CPNE3: variants seen among roughly 807,000 people sequenced by gnomAD.
CPNE3 encodes the protein copine-3.
In CPNE3, 68 loss-of-function variants were observed where a neutral mutation model predicts 63.9. The observed-to-expected ratio is 1.06, with a 90% CI of 0.87 to 1.30. CPNE3 has a LOEUF of 1.30. Among genes scored for constraint, CPNE3 ranks in the 50% most tolerant of loss-of-function variants. The pLI is 0.00. For missense variants in CPNE3, 665 were observed against 578.1 expected (o/e 1.15, Z -1.54); for synonymous variants, 219 against 197.5 (o/e 1.11, Z -0.91).
intron 6 of CPNE3, among the ~76,000 whole-genome samples, chr8:86,533,033 TATCTATC>T (rs1820717535): frequency 7.0e-6 from 1 of 142,816 alleles, no homozygotes; most frequent in African/African-American, 2.7e-5. Context: ...CTTATCTATC[TATCTATC>T]TATCTATCTA....
intron 4 of CPNE3, among the ~76,000 whole-genome samples, chr8:86,529,449 A>G (rs192424634): frequency 1.3e-5 from 2 of 152,302 alleles, no homozygotes; most frequent in East Asian, 3.9e-4. Flanking sequence ...AATGCATTCA[A>G]GATAACAGCA....
At chr8:86,547,376 T>C in intron 10 of CPNE3, 1 of 195,852 alleles carries the variant, frequency 5.1e-6, no homozygotes, top group Non-Finnish European at 1.0e-5. Context: ...ACAAGTGGAA[T>C]GGAGTTTTTG....
At chr8:86,528,139 G>A (rs975621830) in intron 2 of CPNE3, among the ~76,000 whole-genome samples, 3 of 151,566 alleles carry the variant, frequency 2.0e-5, no homozygotes, top group South Asian at 2.1e-4. Flanking sequence ...TAGTAGAGAC[G>A]AGGTCTTGCT....
rs746134927 is a variant in CPNE3 at position 86,529,138 on chromosome 8, GC to G, written c.312+16del. ...ACCCTTGGACAAGTAAGTATAAATA[GC>G]CACTGTACTCTATTTTGTCTAAATT... On this transcript the variant is annotated intron_variant, in intron 4 of 16. Transcript: ENST00000517490. The G allele has an allele frequency of 5.6e-6, 9 of 1,594,100 alleles. No individual in the cohort carries two copies. The highest frequency in any genetic ancestry group is 6.9e-6 in the Non-Finnish European group (8 of 1,167,500).
intron 2 of CPNE3, among the ~76,000 whole-genome samples, chr8:86,516,805 C>T (rs2131414135): frequency 6.6e-6 from 1 of 152,196 alleles, no homozygotes; most frequent in African/African-American, 2.4e-5. Flanking sequence ...TCCTCCCTTT[C>T]AAATGTTCTT....
intron 6 of CPNE3, among the ~76,000 whole-genome samples, chr8:86,533,558 TAAAG>T (rs558988340): frequency 3.5e-3 from 536 of 151,678 alleles, no homozygotes; most frequent in African/African-American, 0.012. Flanking sequence ...AAAAAACACT[TAAAG>T]AAAACATTTT....
At chr8:86,541,304 T>A (rs1157363382) in intron 8 of CPNE3, among the ~76,000 whole-genome samples, 1 of 152,190 alleles carries the variant, frequency 6.6e-6, no homozygotes, top group African/African-American at 2.4e-5. Flanking sequence ...ATTCTTCACT[T>A]TTATAATAGA....
At chr8:86,516,987 T>C (rs1051810114) in intron 2 of CPNE3, among the ~76,000 whole-genome samples, 3 of 152,204 alleles carry the variant, frequency 2.0e-5, no homozygotes, top group African/African-American at 7.2e-5. Flanking sequence ...TCAATGTCAC[T>C]TCCATTGGTG....
At chr8:86,518,239 C>T (rs1037837505) in intron 2 of CPNE3, among the ~76,000 whole-genome samples, 2 of 152,120 alleles carry the variant, frequency 1.3e-5, no homozygotes, top group Non-Finnish European at 2.9e-5. Context: ...CATTTAGAGT[C>T]GGGGCATGGT....
Position 86,558,301 on chromosome 8 carries a change from C to T in CPNE3, c.1505C>T (p.Ala502Val). 1.1e-6 allele frequency: 1 copy of T among 872,898 alleles called. No individual in the cohort carries two copies. Among genetic ancestry groups the T allele is most frequent in the Non-Finnish European group, 2.0e-6 (1 of 501,646 alleles). 54.1% of individuals were successfully genotyped at this position (872,898 alleles called of 1,614,324 possible). The change falls in exon 17 of 17, where the codon GCA becomes GTA. Residue 502 changes from alanine (A) to valine (V), a missense_variant. By Grantham distance (64) the Ala-to-Val change is moderately conservative (BLOSUM62 0). Transcript: ENST00000517490. Reference sequence around the variant, plus strand: ...GTTTTTCACAAGGCTCCAAAAGAAGCACTTGCTCAGTGTGTCTTGGCAGAG... The same window carrying T: ...GTTTTTCACAAGGCTCCAAAAGAAGTACTTGCTCAGTGTGTCTTGGCAGAG... ...FRQFQNAPKEALAQCVLAEIP... is the reference protein window; with the variant it reads ...FRQFQNAPKEVLAQCVLAEIP...
chr8:86,542,146 T>C (rs983023342), intron 8 of CPNE3, among the ~76,000 whole-genome samples: 2 of 152,268 alleles, frequency 1.3e-5, no homozygotes, highest in Non-Finnish European at 2.9e-5. Context: ...GGTTTGTTTT[T>C]AACTATACAC....
At chr8:86,550,380 A>G (rs541420266) in intron 12 of CPNE3, among the ~76,000 whole-genome samples, 1 of 152,236 alleles carries the variant, frequency 6.6e-6, no homozygotes, top group Admixed American at 6.5e-5. Context: ...TGGGGGAAAT[A>G]TTTCTGACAT....
At chr8:86,552,896 A>G in intron 14 of CPNE3, among the ~76,000 whole-genome samples, 1 of 119,990 alleles carries the variant, frequency 8.3e-6, no homozygotes, top group Non-Finnish European at 1.7e-5. Flanking sequence ...CTGGAGTGCA[A>G]TGGCACGATC....
chr8:86,551,190 A>G lies in CPNE3; in HGVS notation c.1076A>G (p.His359Arg). 1 of 1,613,046 alleles carries G rather than the reference A, an allele frequency of 6.2e-7. No homozygotes were observed. The highest frequency in any genetic ancestry group is 8.5e-7 in the Non-Finnish European group (1 of 1,179,006). Residue 359 changes from histidine (H) to arginine (R), a missense_variant, in exon 14 of 17, where the codon CAT becomes CGT. His to Arg is a conservative substitution (Grantham distance 29). Coordinates refer to ENST00000517490, the MANE Select transcript of CPNE3 (RefSeq NM_003909.5). ...AQIPPQWQVSHEFPMNFNPSN... is the reference protein window; with the variant it reads ...AQIPPQWQVSREFPMNFNPSN... ...TTTGTCCATCTTTGACAGGTATCAC[A>G]TGAATTTCCAATGAACTTCAACCCA...
intron 2 of CPNE3, among the ~76,000 whole-genome samples, chr8:86,517,100 T>C (rs762916308): frequency 2.6e-4 from 40 of 152,308 alleles, no homozygotes; most frequent in Non-Finnish European, 4.4e-4. Context: ...TATTTTCCCT[T>C]CTTGTTCTTG....
intron 6 of CPNE3, among the ~76,000 whole-genome samples, chr8:86,533,413 T>C (rs976165301): frequency 6.6e-6 from 1 of 151,928 alleles, no homozygotes; most frequent in Non-Finnish European, 1.5e-5. Context: ...TGTGGTGGCA[T>C]GTGCCTGTAA....
At chr8:86,545,812 A>T (rs1821036474) in intron 9 of CPNE3, among the ~76,000 whole-genome samples, 1 of 152,336 alleles carries the variant, frequency 6.6e-6, no homozygotes, top group South Asian at 2.1e-4. Flanking sequence ...ATTTGAAGGT[A>T]TAAGTTGGAG....
chr8:86,544,410 T>C (rs1821004990), intron 8 of CPNE3, among the ~76,000 whole-genome samples: 1 of 152,198 alleles, frequency 6.6e-6, no homozygotes, highest in African/African-American at 2.4e-5. Flanking sequence ...AAAGAAGATA[T>C]AACTCCATTT....
intron 2 of CPNE3, among the ~76,000 whole-genome samples, chr8:86,518,771 A>G (rs886455181): frequency 6.6e-6 from 1 of 150,636 alleles, no homozygotes; most frequent in Non-Finnish European, 1.5e-5. Context: ...TTAAAAAAAA[A>G]TATTTATTTA....
Sources: gnomAD v4.1 joint callset for allele counts (sites outside exome capture counted in the v4.1 genomes callset) on GRCh38, gnomAD v4.1.1 for gene constraint, MANE v1.5 for transcripts, NCBI Gene and HGNC (gene_info 2026-07-23, HGNC 2026-07-21) for gene names.